Variants in SLC36A4 observed in about 807,000 individuals in gnomAD.
The protein encoded by SLC36A4 is solute carrier family 36 member 4.
In SLC36A4, 49 loss-of-function variants were observed where a neutral mutation model predicts 50.5. That is an observed-to-expected ratio of 0.97 (90% CI 0.77 to 1.23). SLC36A4 has a LOEUF of 1.23. SLC36A4 is among the 50% of genes most tolerant of loss of function. The pLI is 0.00. For missense variants in SLC36A4, 611 were observed against 608.4 expected (o/e 1.00, Z -0.05); for synonymous variants, 207 against 206.5 (o/e 1.00, Z -0.02).
intron 10 of SLC36A4, among the ~76,000 whole-genome samples, chr11:93,150,190 C>A (rs1295115442): frequency 6.6e-6 from 1 of 152,002 alleles, no homozygotes; most frequent in East Asian, 1.9e-4. Context: ...TGTGTTTGCT[C>A]ATATACAGGC....
At chr11:93,188,525 AC>A (rs1862084512) in intron 1 of SLC36A4, among the ~76,000 whole-genome samples, 1 of 152,138 alleles carries the variant, frequency 6.6e-6, no homozygotes, top group Non-Finnish European at 1.5e-5. Flanking sequence ...GGTTTTTCTA[AC>A]CCTTTAATCT....
In SLC36A4 at chr11:93,195,694, C is replaced by T. The variant is rs114908155; in HGVS notation, c.55+2084G>A. On this transcript the variant is annotated intron_variant, in intron 1 of 10. Coordinates refer to ENST00000326402, the MANE Select transcript of SLC36A4 (RefSeq NM_152313.4). ...AAGACCCTACATAATTTGGCCCCAT[C>T]GCCACCTCCATCACTCTGCTTCAGC... Among the ~76,000 whole-genome samples the T allele has an allele frequency of 6.8e-3, 1,034 of 152,320 alleles. 10 individuals carry two copies. Among genetic ancestry groups the T allele is most frequent in the African/African-American group, 0.024 (979 of 41,566 alleles).
chr11:93,190,701 G>A (rs932776574), intron 1 of SLC36A4, among the ~76,000 whole-genome samples: 7 of 152,080 alleles, frequency 4.6e-5, no homozygotes, highest in East Asian at 1.9e-4. Context: ...GCAATGTGAC[G>A]TTACTAGCTA....
At chr11:93,166,779 C>T (rs1210353631) in intron 7 of SLC36A4, 2 of 152,162 alleles carry the variant, frequency 1.3e-5, no homozygotes, top group Non-Finnish European at 2.9e-5. Flanking sequence ...ATGAACAAAG[C>T]AACTGAAGTG....
intron 1 of SLC36A4, chr11:93,197,567 T>C: frequency 5.2e-6 from 3 of 579,418 alleles, no homozygotes; most frequent in East Asian, 3.2e-5. Context: ...CACACACATA[T>C]TTTAACGCCC....
At chr11:93,157,827 G>A (rs1860435237) in intron 9 of SLC36A4, among the ~76,000 whole-genome samples, 1 of 152,318 alleles carries the variant, frequency 6.6e-6, no homozygotes, top group African/African-American at 2.4e-5. Flanking sequence ...ATAGTTTGCA[G>A]ATCTTGCAGT....
chr11:93,182,722 A>C, intron 4 of SLC36A4, 84 bp downstream of exon 4: 1 of 944,052 alleles, frequency 1.1e-6, no homozygotes, highest in South Asian at 1.8e-5. Context: ...AACGAAATAC[A>C]AAGCACAGTA....
intron 6 of SLC36A4, among the ~76,000 whole-genome samples, chr11:93,177,267 C>T (rs767139837): frequency 6.6e-6 from 1 of 152,178 alleles, no homozygotes; most frequent in Non-Finnish European, 1.5e-5. Context: ...GAATGTGTCA[C>T]GTAGTTCCCA....
rs1455677474 is a variant in SLC36A4, at chr11:93,146,883, G to A, written c.*1654C>T. 1 of 152,084 alleles carries A rather than the reference G, an allele frequency of 6.6e-6. No individual in the cohort carries two copies. The highest frequency in any genetic ancestry group is 2.4e-5 in the African/African-American group (1 of 41,446). 9.4% of individuals were successfully genotyped at this position (152,084 alleles called of 1,614,324 possible). A position where few individuals can be genotyped will look rare whatever the true frequency, so the allele number is the denominator to read the frequency against. ...TGGAATAATTAGAAGTTATTTGTCT[G>A]AAAGAAGCCTGGAGTGTCTCAATAT... On this transcript the variant is annotated 3_prime_UTR_variant, in exon 11 of 11. Coordinates refer to ENST00000326402, the MANE Select transcript of SLC36A4 (RefSeq NM_152313.4).
At position 93,197,760 on chromosome 11, in the gene SLC36A4, C is replaced by A. The variant is rs1298689157; in HGVS notation, c.55+18G>T. On this transcript the variant is annotated intron_variant, in intron 1 of 10. Coordinates refer to ENST00000326402, the MANE Select transcript of SLC36A4 (RefSeq NM_152313.4). Reference sequence around the variant, plus strand: ...CGCCCACGTCAGCCCCGGCTCCCTGCCCACGCACAACACCGACCTAGCTCC... The same window carrying A: ...CGCCCACGTCAGCCCCGGCTCCCTGACCACGCACAACACCGACCTAGCTCC... 2 of 1,588,926 alleles carry A rather than the reference C, an allele frequency of 1.3e-6. No individual in the cohort carries two copies. The highest frequency in any genetic ancestry group is 1.1e-5 in the South Asian group (1 of 89,522).
At chr11:93,154,048 A>C (rs1339947454) in intron 10 of SLC36A4, 60 bp downstream of exon 10, 11 of 781,602 alleles carry the variant, frequency 1.4e-5, no homozygotes. Flanking sequence ...CATCTTATAT[A>C]GCTTTCAAGA....
chr11:93,164,096 T>G (rs1860754680), intron 8 of SLC36A4, among the ~76,000 whole-genome samples: 1 of 152,182 alleles, frequency 6.6e-6, no homozygotes. Context: ...AATGAAGATC[T>G]GGTATTTGGA....
chr11:93,197,332 G>A (rs1225665171), intron 1 of SLC36A4: 1 of 172,086 alleles, frequency 5.8e-6, no homozygotes, highest in African/African-American at 2.4e-5. Context: ...TGGTCAGCAC[G>A]ACCTGTTCGA....
intron 4 of SLC36A4, chr11:93,182,236 C>T: frequency 6.6e-6 from 5 of 762,256 alleles, no homozygotes; most frequent in Non-Finnish European, 8.0e-6. Context: ...TTTCTCCATT[C>T]TCTCTTTTTT....
intron 9 of SLC36A4, among the ~76,000 whole-genome samples, chr11:93,161,299 T>TA (rs2134645828): frequency 6.6e-6 from 1 of 152,340 alleles, no homozygotes; most frequent in African/African-American, 2.4e-5. Context: ...AATAAAATTA[T>TA]ATAATTAACT....
chr11:93,187,642 A>G (rs1238060845), intron 1 of SLC36A4, among the ~76,000 whole-genome samples: 2 of 152,122 alleles, frequency 1.3e-5, no homozygotes, highest in African/African-American at 2.4e-5. Flanking sequence ...ATTTCTAAGT[A>G]TTTCATACAC....
chr11:93,197,970 A>C lies in SLC36A4; in HGVS notation c.-138T>G, dbSNP rs989520215. The C allele has an allele frequency of 1.1e-6, 1 of 900,742 alleles. No individual in the cohort carries two copies. The highest frequency in any genetic ancestry group is 1.5e-6 in the Non-Finnish European group (1 of 651,386). 55.8% of individuals were successfully genotyped at this position (900,742 alleles called of 1,614,324 possible). A position where few individuals can be genotyped will look rare whatever the true frequency, so the allele number is the denominator to read the frequency against. ...CCGCCTCCCTGCCCCGGCGCTCCCCAACCGCGCGGCGAGGAGCATGCGCAG... is the reference window on the plus strand; with the variant it reads ...CCGCCTCCCTGCCCCGGCGCTCCCCCACCGCGCGGCGAGGAGCATGCGCAG... On this transcript the variant is annotated 5_prime_UTR_variant, in exon 1 of 11. Coordinates refer to ENST00000326402, the MANE Select transcript of SLC36A4 (RefSeq NM_152313.4).
At chr11:93,190,561 TATA>T (rs1009478274) in intron 1 of SLC36A4, among the ~76,000 whole-genome samples, 1 of 152,196 alleles carries the variant, frequency 6.6e-6, no homozygotes, top group African/African-American at 2.4e-5. Context: ...TTAACTCTCT[TATA>T]ATGAGATTAA....
chr11:93,166,201 C>T, intron 7 of SLC36A4, 185 bp from the exon 8 acceptor site: 1 of 1,330,330 alleles, frequency 7.5e-7, no homozygotes, highest in Non-Finnish European at 9.6e-7. Context: ...TAGGATTTCA[C>T]TGCCAAAAGC....
Sources: gnomAD v4.1 joint callset for allele counts (sites outside exome capture counted in the v4.1 genomes callset) on GRCh38, gnomAD v4.1.1 for gene constraint, MANE v1.5 for transcripts, NCBI Gene and HGNC (gene_info 2026-07-23, HGNC 2026-07-21) for gene names.